Variants in TEX2 observed in about 807,000 individuals in gnomAD.
The protein encoded by TEX2 is testis expressed 2.
In TEX2, 53 loss-of-function variants were observed where a neutral mutation model predicts 106.9. That is an observed-to-expected ratio of 0.50 (90% CI 0.40 to 0.62). The LOEUF (loss-of-function observed/expected upper bound fraction) is 0.62, where lower values mean the gene tolerates loss of function less well. Ranked by LOEUF, TEX2 falls within the 20% of genes least tolerant of loss-of-function variation. TEX2 has a pLI of 0.00. For synonymous variants in TEX2, 523 were observed against 534.8 expected, an observed-to-expected ratio of 0.98 and a Z score of 0.30; for missense variants, 1,207 against 1,379.0, an observed-to-expected ratio of 0.88 and a Z score of 1.98.
At chr17:64,253,270 T>C (rs782820988) in intron 1 of TEX2, among the ~76,000 whole-genome samples, 2 of 151,922 alleles carry the variant, frequency 1.3e-5, no homozygotes, top group Non-Finnish European at 2.9e-5. Flanking sequence ...TCCCGAGTAA[T>C]TGGGACCACA....
intron 7 of TEX2, among the ~76,000 whole-genome samples, chr17:64,170,294 T>C (rs973875698): frequency 2.0e-5 from 3 of 152,220 alleles, no homozygotes; most frequent in African/African-American, 7.2e-5. Context: ...ACTGAGCACC[T>C]ACTAGGAGTA....
chr17:64,230,168 G>A (rs184741783), intron 1 of TEX2, among the ~76,000 whole-genome samples: 6 of 152,260 alleles, frequency 3.9e-5, no homozygotes, highest in Admixed American at 1.3e-4. Flanking sequence ...TGTGTGTGTA[G>A]GGGAAAGAGT....
At chr17:64,262,455 G>C (rs1016630516) in intron 1 of TEX2, among the ~76,000 whole-genome samples, 5 of 152,238 alleles carry the variant, frequency 3.3e-5, no homozygotes, top group Admixed American at 2.0e-4. Context: ...GTACGCTCTA[G>C]GCAGCGTGTG....
chr17:64,239,130 C>G (rs1227414527), intron 1 of TEX2: 2 of 152,142 alleles, frequency 1.3e-5, no homozygotes, highest in African/African-American at 4.8e-5. Context: ...AAACAGAAAT[C>G]AAACATGTCT....
intron 2 of TEX2, among the ~76,000 whole-genome samples, chr17:64,202,206 G>C (rs1555630177): frequency 6.6e-6 from 1 of 152,200 alleles, no homozygotes; most frequent in African/African-American, 2.4e-5. Flanking sequence ...ATTGTGACTG[G>C]AGCCCATGTT....
At chr17:64,165,311 T>C (rs2031076550) in intron 7 of TEX2, among the ~76,000 whole-genome samples, 1 of 152,236 alleles carries the variant, frequency 6.6e-6, no homozygotes. Flanking sequence ...ACATCATTTT[T>C]AGCCTTATCT....
At chr17:64,183,323 C>T (rs1396567681) in intron 5 of TEX2, among the ~76,000 whole-genome samples, 2 of 152,220 alleles carry the variant, frequency 1.3e-5, no homozygotes, top group Admixed American at 6.5e-5. Context: ...ACTGCTGGCT[C>T]ATATGGTGAC....
chr17:64,189,929 G>C (rs2032232047), intron 4 of TEX2, among the ~76,000 whole-genome samples: 1 of 150,650 alleles, frequency 6.6e-6, no homozygotes, highest in Non-Finnish European at 1.5e-5. Flanking sequence ...AGGTTGCAGT[G>C]AGCCAAGATC....
Position 64,148,721 on chromosome 17 carries a change from T to TCCA in TEX2, c.*245_*247dup, listed in dbSNP as rs1258024054. 4.3e-6 allele frequency: 2 copies of TCCA among 464,544 alleles called. No individual in the cohort carries two copies. Among genetic ancestry groups the TCCA allele is most frequent in the Non-Finnish European group, 7.6e-6 (2 of 261,448 alleles). 28.8% of individuals were successfully genotyped at this position (464,544 alleles called of 1,614,324 possible). A position where few individuals can be genotyped will look rare whatever the true frequency, so the allele number is the denominator to read the frequency against. ...GTGTGGGTCACGTATAACTTCTGGA[T>TCCA]CCACCATGATTCTTCCATGGTCTCC... On this transcript the variant is annotated 3_prime_UTR_variant, in exon 12 of 12. Coordinates refer to ENST00000584379, the MANE Select transcript of TEX2 (RefSeq NM_001288732.2).
chr17:64,171,739 G>A (rs2031409250), intron 6 of TEX2, among the ~76,000 whole-genome samples: 1 of 152,182 alleles, frequency 6.6e-6, no homozygotes, highest in Admixed American at 6.5e-5. Context: ...AACACTTTGG[G>A]AGGCCAAGGT....
chr17:64,179,475 TG>T (rs777472167), intron 5 of TEX2, among the ~76,000 whole-genome samples: 1 of 152,220 alleles, frequency 6.6e-6, no homozygotes, highest in Non-Finnish European at 1.5e-5. Flanking sequence ...TTTGTACTTT[TG>T]CTCTTCACAA....
intron 1 of TEX2, among the ~76,000 whole-genome samples, chr17:64,259,787 A>G (rs2034256217): frequency 6.6e-6 from 1 of 152,226 alleles, no homozygotes. Flanking sequence ...AACTACCTAT[A>G]AATAATATAC....
intron 1 of TEX2, among the ~76,000 whole-genome samples, chr17:64,245,821 C>T (rs1049940483): frequency 5.9e-5 from 9 of 152,152 alleles, no homozygotes; most frequent in Non-Finnish European, 1.0e-4. Flanking sequence ...CAAAGGAAAG[C>T]CCGCAGACAG....
chr17:64,195,641 T>C lies in TEX2; in HGVS notation c.1645-546A>G, dbSNP rs2032443509. ...AGATGATTGAGAATTAGGCATTAAA[T>C]ACATCGTAAATATAATCAATAATAT... On this transcript the variant is annotated intron_variant, in intron 2 of 11. Coordinates refer to ENST00000584379, the MANE Select transcript of TEX2 (RefSeq NM_001288732.2). This position sits in a 1 kb window ranked among gnomAD's most constrained non-coding sequence, Gnocchi z 4.1. Among the ~76,000 whole-genome samples the C allele has an allele frequency of 6.6e-6, 1 of 152,230 alleles. No individual in the cohort carries two copies. Among genetic ancestry groups the C allele is most frequent in the Non-Finnish European group, 1.5e-5 (1 of 68,038 alleles).
chr17:64,149,239 T>A (rs1164444199), intron 11 of TEX2, 148 bp from the exon 12 acceptor site: 1 of 771,568 alleles, frequency 1.3e-6, no homozygotes, highest in African/African-American at 1.8e-5. Context: ...TCTCCCACCA[T>A]ACATACTTTA....
chr17:64,196,654 T>C (rs1193012795), intron 2 of TEX2, among the ~76,000 whole-genome samples: 1 of 152,228 alleles, frequency 6.6e-6, no homozygotes, highest in African/African-American at 2.4e-5. Flanking sequence ...AAGTGGACTG[T>C]ATTGTCAGAG....
chr17:64,207,652 A>C (rs1434989222), intron 2 of TEX2, among the ~76,000 whole-genome samples: 3 of 152,154 alleles, frequency 2.0e-5, no homozygotes, highest in Non-Finnish European at 4.4e-5. Flanking sequence ...CATCACTTTA[A>C]AGCCATCAAC....
At chr17:64,194,121 T>G (rs990998339) in intron 3 of TEX2, among the ~76,000 whole-genome samples, 2 of 152,178 alleles carry the variant, frequency 1.3e-5, no homozygotes, top group African/African-American at 4.8e-5. Flanking sequence ...TTTGCGAGAG[T>G]TATAAATATC....
At chr17:64,242,363 A>T (rs979262597) in intron 1 of TEX2, 6 of 152,218 alleles carry the variant, frequency 3.9e-5, no homozygotes, top group African/African-American at 1.4e-4. Context: ...ACCACTTTGT[A>T]TAAGGTTGTT....
Sources: allele counts gnomAD v4.1 joint callset (sites outside exome capture counted in the v4.1 genomes callset), GRCh38; gene constraint gnomAD v4.1.1; non-coding constraint Gnocchi (gnomAD v3.1); transcripts MANE v1.5; gene names NCBI Gene and HGNC (gene_info 2026-07-23, HGNC 2026-07-21).